RNF216: variants seen among roughly 807,000 people sequenced by gnomAD.
The protein encoded by RNF216 is ring finger protein 216.
A neutral mutation model predicts 110.8 loss-of-function variants in RNF216; 72 were observed. The ratio of observed to expected loss-of-function variants is 0.65; its 90% CI spans 0.54 to 0.79. The LOEUF is 0.79. Ranked by LOEUF, RNF216 falls within the 30% of genes least tolerant of loss-of-function variation. RNF216 has a pLI of 0.00. For missense variants in RNF216, 1,342 were observed against 1,141.2 expected (o/e 1.18, Z -2.54); for synonymous variants, 495 against 407.5 (o/e 1.21, Z -2.59).
intron 4 of RNF216, among the ~76,000 whole-genome samples, chr7:5,740,721 T>C (rs1343326663): frequency 6.6e-6 from 1 of 152,118 alleles, no homozygotes; most frequent in Non-Finnish European, 1.5e-5. Context: ...ACTGCAGGTA[T>C]GACAGCACCA....
chr7:5,628,609 A>C (rs1397663252), intron 15 of RNF216, among the ~76,000 whole-genome samples: 1 of 151,370 alleles, frequency 6.6e-6, no homozygotes, highest in African/African-American at 2.4e-5. Flanking sequence ...TGCAGCCTCC[A>C]CCTCCTGGGC....
intron 14 of RNF216, among the ~76,000 whole-genome samples, chr7:5,649,301 A>G (rs972529550): frequency 7.2e-5 from 11 of 152,048 alleles, no homozygotes; most frequent in Non-Finnish European, 1.6e-4. Context: ...CTGAGGCAGT[A>G]GAGTCGCTTG....
intron 15 of RNF216, among the ~76,000 whole-genome samples, chr7:5,637,857 T>C (rs1787487238): frequency 6.6e-6 from 1 of 152,210 alleles, no homozygotes; most frequent in Non-Finnish European, 1.5e-5. Flanking sequence ...CGCATTTCTT[T>C]TTCTTTAAGA....
At chr7:5,729,284 G>C (rs1562437235) in intron 7 of RNF216, 148 bp downstream of exon 7, 5 of 716,236 alleles carry the variant, frequency 7.0e-6, no homozygotes, top group Non-Finnish European at 1.2e-5. Context: ...GTCACGATGA[G>C]CAAATACCCA....
rs142673786 is a variant in RNF216, at chr7:5,717,739, T to G, written c.1645-973A>C. ...CAGAGTGACTGCCAGGATGCATGGTTAAATGAAAAATGCAGTCGCAGAAGA... is the reference window on the plus strand; with the variant it reads ...CAGAGTGACTGCCAGGATGCATGGTGAAATGAAAAATGCAGTCGCAGAAGA... On this transcript the variant is annotated intron_variant, in intron 9 of 16. Transcript: ENST00000389902. 3.4e-3 allele frequency among the ~76,000 whole-genome samples: 514 copies of G among 152,316 alleles called. 1 individual carries two copies. The highest frequency in any genetic ancestry group is 0.012 in the African/African-American group (481 of 41,570).
intron 9 of RNF216, among the ~76,000 whole-genome samples, chr7:5,720,537 C>G (rs1793353508): frequency 6.6e-6 from 1 of 152,246 alleles, no homozygotes; most frequent in East Asian, 1.9e-4. Flanking sequence ...TGACTTTCAG[C>G]TGCACAGGGG....
At chr7:5,691,054 A>G (rs953385236) in intron 13 of RNF216, among the ~76,000 whole-genome samples, 1 of 152,152 alleles carries the variant, frequency 6.6e-6, no homozygotes, top group African/African-American at 2.4e-5. Context: ...CAGCTCACAC[A>G]GCCGTGCAAA....
chr7:5,623,370 TC>T (rs1373544215), intron 16 of RNF216, among the ~76,000 whole-genome samples, 191 bp from the exon 17 acceptor site: 1 of 151,762 alleles, frequency 6.6e-6, no homozygotes, highest in Non-Finnish European at 1.5e-5. Context: ...AGTGTCTTGC[TC>T]CACAGTGGCA....
At chr7:5,738,483 T>C (rs991386505) in intron 5 of RNF216, among the ~76,000 whole-genome samples, 1 of 151,746 alleles carries the variant, frequency 6.6e-6, no homozygotes, top group East Asian at 1.9e-4. Context: ...CCGAGGCGGG[T>C]GGATCACGAG....
intron 13 of RNF216, among the ~76,000 whole-genome samples, chr7:5,667,389 A>AGGC (rs1339902355): frequency 6.6e-6 from 1 of 152,228 alleles, no homozygotes; most frequent in Non-Finnish European, 1.5e-5. Flanking sequence ...AGGCACCAAA[A>AGGC]GGCTCATTCT....
At chr7:5,714,926 A>G in intron 11 of RNF216, 127 bp downstream of exon 11, 2 of 764,580 alleles carry the variant, frequency 2.6e-6, no homozygotes, top group Non-Finnish European at 4.1e-6. Flanking sequence ...CAGGTAATGT[A>G]CACATAAGCA....
chr7:5,633,295 G>T (rs1220766525), intron 15 of RNF216, among the ~76,000 whole-genome samples: 2 of 151,996 alleles, frequency 1.3e-5, no homozygotes, highest in East Asian at 2.0e-4. Context: ...TGGAAGTAAG[G>T]CCGGGTGCGG....
At chr7:5,740,229 C>G (rs1369478832) in intron 4 of RNF216, among the ~76,000 whole-genome samples, 4 of 148,220 alleles carry the variant, frequency 2.7e-5, no homozygotes, top group Non-Finnish European at 5.9e-5. Context: ...TGGGTTCACA[C>G]CATTCTCCTG....
Position 5,652,443 on chromosome 7 carries a change from T to C in RNF216, c.2129A>G (p.Glu710Gly). 1 of 1,613,844 alleles carries C rather than the reference T, an allele frequency of 6.2e-7. No individual in the cohort carries two copies. Residue 710 changes from glutamate (E) to glycine (G), a missense_variant, in exon 14 of 17, where the codon GAA (glutamate) becomes GGA (glycine). Glu to Gly is a moderately conservative substitution (Grantham distance 98, BLOSUM62 -2). Coordinates refer to ENST00000389902, the MANE Select transcript of RNF216 (RefSeq NM_207111.4). The part of the protein sequence containing the change: ...HNGLTCEELA[E>G]KDDIKYRTSI... Reference sequence around the variant, plus strand: ...GGTACGGTACTTGATGTCGTCTTTTTCAGCCAGCTCTTCACAGGTGAGGCC... The same window carrying C: ...GGTACGGTACTTGATGTCGTCTTTTCCAGCCAGCTCTTCACAGGTGAGGCC...
At chr7:5,639,725 G>T (rs1787615811) in intron 15 of RNF216, among the ~76,000 whole-genome samples, 1 of 151,704 alleles carries the variant, frequency 6.6e-6, no homozygotes, top group South Asian at 2.1e-4. Context: ...TTCCCAAAGT[G>T]CTAGGATTAT....
chr7:5,730,907 T>A, intron 5 of RNF216, 90 bp from the exon 6 acceptor site: 2 of 1,543,712 alleles, frequency 1.3e-6, no homozygotes, highest in Non-Finnish European at 1.8e-6. Context: ...AATATAGTCC[T>A]TAGTCACACA....
At chr7:5,734,839 A>AATAAATAAATAC (rs1794301905) in intron 5 of RNF216, among the ~76,000 whole-genome samples, 1 of 147,242 alleles carries the variant, frequency 6.8e-6, no homozygotes, top group Non-Finnish European at 1.5e-5. Context: ...TAAATAAATA[A>AATAAATAAATAC]ATAAATAAAT....
At chr7:5,739,150 A>G in intron 5 of RNF216, 126 bp downstream of exon 5, 3 of 1,152,364 alleles carry the variant, frequency 2.6e-6, no homozygotes, top group Non-Finnish European at 3.5e-6. Context: ...ATAGTTGCAT[A>G]ATAATGTGAA....
chr7:5,665,542 T>C (rs1425572351), intron 13 of RNF216, among the ~76,000 whole-genome samples: 3 of 151,858 alleles, frequency 2.0e-5, no homozygotes, highest in Non-Finnish European at 4.4e-5. Context: ...TTATATGTGG[T>C]TTCTGTGCTA....
Sources: gnomAD v4.1 joint callset for allele counts (sites outside exome capture counted in the v4.1 genomes callset) on GRCh38, gnomAD v4.1.1 for gene constraint, MANE v1.5 for transcripts, NCBI Gene and HGNC (gene_info 2026-07-23, HGNC 2026-07-21) for gene names.